Variants in GRXCR2 observed in about 807,000 individuals in gnomAD.
The protein encoded by GRXCR2 is glutaredoxin domain-containing cysteine-rich protein 2.
GRXCR2 carries 23 observed loss-of-function variants against 24.8 expected under a neutral mutation model. The observed-to-expected ratio is 0.93, with a 90% CI of 0.67 to 1.32. The LOEUF is 1.32. Ranked by LOEUF, GRXCR2 falls within the 40% of genes most tolerant of loss-of-function variation. The probability of loss-of-function intolerance (pLI) is 0.00; values close to 1 mark genes in which losing one functional copy is unlikely to be tolerated. For synonymous variants in GRXCR2, 130 were observed against 116.1 expected (o/e 1.12, Z -0.77); for missense variants, 315 against 303.4 (o/e 1.04, Z -0.28).
At chr5:145,925,381 G>A (rs1351596828) in intron 2 of GRXCR2, among the ~76,000 whole-genome samples, 3 of 152,138 alleles carry the variant, frequency 2.0e-5, no homozygotes, top group Admixed American at 2.0e-4. Flanking sequence ...CATGTATTAG[G>A]AAATTTATTC....
At chr5:145,896,780 C>G (rs965037639) in intron 2 of GRXCR2, among the ~76,000 whole-genome samples, 1 of 152,124 alleles carries the variant, frequency 6.6e-6, no homozygotes, top group Non-Finnish European at 1.5e-5. Context: ...AATCCCATTA[C>G]TGGGTATATA....
At chr5:145,907,025 C>T (rs888808265) in intron 2 of GRXCR2, among the ~76,000 whole-genome samples, 1 of 152,110 alleles carries the variant, frequency 6.6e-6, no homozygotes, top group Non-Finnish European at 1.5e-5. Context: ...GTTGCCAAGG[C>T]AGGACCGTGC....
At chr5:145,930,980 C>T (rs149597733) in intron 2 of GRXCR2, among the ~76,000 whole-genome samples, 2 of 152,288 alleles carry the variant, frequency 1.3e-5, no homozygotes, top group Non-Finnish European at 2.9e-5. Flanking sequence ...ACTGGCAGAG[C>T]TGAGATTCAA....
intron 2 of GRXCR2, among the ~76,000 whole-genome samples, chr5:145,904,305 A>T (rs1757062309): frequency 6.6e-6 from 1 of 152,224 alleles, no homozygotes; most frequent in African/African-American, 2.4e-5. Flanking sequence ...GGGATGGTAG[A>T]TCCAGAGTAG....
upstream of GRXCR2, among the ~76,000 whole-genome samples, chr5:145,873,994 T>G (rs189490692): frequency 1.3e-5 from 2 of 151,840 alleles, no homozygotes; most frequent in African/African-American, 2.4e-5. Context: ...AAGGAAGTGG[T>G]CTCTAAGGAG....
chr5:145,900,318 G>A (rs1757007832), intron 2 of GRXCR2, among the ~76,000 whole-genome samples: 1 of 152,100 alleles, frequency 6.6e-6, no homozygotes, highest in African/African-American at 2.4e-5. Context: ...AGATGTGCCT[G>A]CTTCCTCTTT....
intron 2 of GRXCR2, among the ~76,000 whole-genome samples, chr5:145,908,647 A>G (rs755329931): frequency 1.1e-4 from 17 of 152,222 alleles, no homozygotes; most frequent in Non-Finnish European, 2.2e-4. Context: ...TTCCTTTCAA[A>G]ATATGCTCAA....
intron 2 of GRXCR2, among the ~76,000 whole-genome samples, chr5:145,898,495 G>A (rs1181488303): frequency 6.6e-6 from 1 of 151,874 alleles, no homozygotes; most frequent in Non-Finnish European, 1.5e-5. Context: ...TAAAACTATA[G>A]GCCAATATCC....
At chr5:145,929,572 A>G (rs781761972) in intron 2 of GRXCR2, among the ~76,000 whole-genome samples, 1 of 152,168 alleles carries the variant, frequency 6.6e-6, no homozygotes, top group East Asian at 1.9e-4. Context: ...GCACAATACA[A>G]TTAACTAGAA....
intron 2 of GRXCR2, among the ~76,000 whole-genome samples, chr5:145,887,338 A>G (rs1385977989): frequency 2.0e-5 from 3 of 152,186 alleles, no homozygotes; most frequent in East Asian, 3.8e-4. Context: ...ATTTAGTCCC[A>G]CTAGCTACAT....
At chr5:145,929,199 C>CATATATATA (rs373040257) in intron 2 of GRXCR2, among the ~76,000 whole-genome samples, 2 of 116,508 alleles carry the variant, frequency 1.7e-5, no homozygotes, top group African/African-American at 3.2e-5. Context: ...ATATTCCCCC[C>CATATATATA]TATATATATA....
At chr5:145,910,813 T>C (rs942587777) in intron 2 of GRXCR2, among the ~76,000 whole-genome samples, 1 of 150,642 alleles carries the variant, frequency 6.6e-6, no homozygotes, top group Non-Finnish European at 1.5e-5. Flanking sequence ...AATCAAAGGG[T>C]AGATAAGAAG....
chr5:145,895,542 G>A (rs1581345780), intron 2 of GRXCR2, among the ~76,000 whole-genome samples: 1 of 152,240 alleles, frequency 6.6e-6, no homozygotes, highest in Middle Eastern at 3.4e-3. Context: ...TTGCTTCAAA[G>A]AGAATAAAAT....
At chr5:145,870,227 G>A (rs963986678) in intron 1 of GRXCR2, among the ~76,000 whole-genome samples, 6 of 152,146 alleles carry the variant, frequency 3.9e-5, no homozygotes, top group Non-Finnish European at 7.4e-5. Flanking sequence ...ATTAAACAAT[G>A]ACTCTTCTTC....
At chr5:145,893,038 C>T (rs1367352820) in intron 2 of GRXCR2, among the ~76,000 whole-genome samples, 1 of 152,120 alleles carries the variant, frequency 6.6e-6, no homozygotes. Context: ...AACTAAGCTT[C>T]ATAAGTGAAG....
chr5:145,868,925 T>G (rs1756478595), intron 1 of GRXCR2, among the ~76,000 whole-genome samples: 1 of 152,218 alleles, frequency 6.6e-6, no homozygotes, highest in South Asian at 2.1e-4. Context: ...ACATCAAATG[T>G]CAATGGGGAA....
chr5:145,878,437 A>G (rs1756651154), intron 2 of GRXCR2, among the ~76,000 whole-genome samples: 1 of 152,228 alleles, frequency 6.6e-6, no homozygotes, highest in Admixed American at 6.5e-5. Context: ...AAGTGGAGGA[A>G]AGGGTATCAG....
intron 2 of GRXCR2, among the ~76,000 whole-genome samples, chr5:145,891,383 G>C (rs1756862988): frequency 6.6e-6 from 1 of 152,184 alleles, no homozygotes; most frequent in African/African-American, 2.4e-5. Flanking sequence ...CCCTTTCCTA[G>C]TCAAAGAAAG....
chr5:145,921,745 A>C (rs1433336353), intron 2 of GRXCR2, among the ~76,000 whole-genome samples: 1 of 152,240 alleles, frequency 6.6e-6, no homozygotes, highest in Non-Finnish European at 1.5e-5. Context: ...CTTCCAAATC[A>C]ATAGCTTAAT....
Sources: gnomAD v4.1 joint callset for allele counts (sites outside exome capture counted in the v4.1 genomes callset) on GRCh38, gnomAD v4.1.1 for gene constraint, MANE v1.5 for transcripts, NCBI Gene and HGNC (gene_info 2026-07-23, HGNC 2026-07-21) for gene names.